RELT: variants seen among roughly 807,000 people sequenced by gnomAD.
RELT encodes the protein tumor necrosis factor receptor superfamily member 19L.
In RELT, 37 loss-of-function variants were observed where a neutral mutation model predicts 51.1. The ratio of observed to expected loss-of-function variants is 0.72; its 90% CI spans 0.56 to 0.95. The LOEUF is 0.95. Ranked by LOEUF, RELT falls within the 40% of genes least tolerant of loss-of-function variation. The probability of loss-of-function intolerance (pLI) is 0.00; values close to 1 mark genes in which losing one functional copy is unlikely to be tolerated. For synonymous variants in RELT, 241 were observed against 235.7 expected (o/e 1.02, Z -0.21); for missense variants, 535 against 572.6 (o/e 0.93, Z 0.67).
At chr11:73,381,869 G>A (rs1170392468) in intron 1 of RELT, among the ~76,000 whole-genome samples, 1 of 152,194 alleles carries the variant, frequency 6.6e-6, no homozygotes, top group African/African-American at 2.4e-5. Context: ...CAGGGTTTAC[G>A]TGGAGTTCCC....
rs769601283 is a variant in RELT, at chr11:73,394,676, CCCAAGGCCGGGG to C, written c.996_1007del (p.Ala334_Gly337del). ...CCTTCTGCCTAACCCGACCAGGGTT[CCCAAGGCCGGGG>C]CCAAGGCAGGGCGTCAGGGCGAGAT... On this transcript the variant is annotated inframe_deletion, in exon 9 of 11. Coordinates refer to ENST00000064780, the MANE Select transcript of RELT (RefSeq NM_152222.2). The surrounding 1 kb of genome is among the most constrained non-coding windows in gnomAD (Gnocchi z 4.9). The C allele has an allele frequency of 6.2e-7, 1 of 1,613,590 alleles. No individual in the cohort carries two copies.
intron 6 of RELT, chr11:73,393,210 G>A: frequency 1.0e-6 from 1 of 1,000,656 alleles, no homozygotes; most frequent in African/African-American, 1.7e-5. Flanking sequence ...GGAGCAGTAA[G>A]CCGGCAGGAG....
chr11:73,376,419 G>A lies in RELT; in HGVS notation c.-106G>A, dbSNP rs1416803414. ...CATTCAAAAGGCGCGCAGGCTGCGC[G>A]GCTGTCCGGGCGCTCGCCGAGCCGG... On this transcript the variant is annotated 5_prime_UTR_variant, in exon 1 of 11. Transcript: ENST00000064780. The A allele has an allele frequency of 1.3e-5, 2 of 151,916 alleles. No individual in the cohort carries two copies. The highest frequency in any genetic ancestry group is 2.9e-5 in the Non-Finnish European group (2 of 67,932). The allele number at this position is 151,916 out of a possible 1,614,324, so 9.4% of individuals were successfully genotyped here.
At chr11:73,386,852 C>G (rs1014244496) in intron 1 of RELT, among the ~76,000 whole-genome samples, 10 of 152,130 alleles carry the variant, frequency 6.6e-5, no homozygotes, top group African/African-American at 1.7e-4. Context: ...CTTTTCACCC[C>G]CGCATCAGCC....
rs960322372 is a variant in RELT at position 73,397,011 on chromosome 11, T to C, written c.*1520T>C. On this transcript the variant is annotated 3_prime_UTR_variant, in exon 11 of 11. Transcript: ENST00000064780. ...CAGTATAAAAAGTGTGAATGAGCTG[T>C]TTTTGCTTTTGCTTTGAAATCTGGA... 4 of 152,198 alleles carry C rather than the reference T, an allele frequency of 2.6e-5. No homozygotes were observed. Among genetic ancestry groups the C allele is most frequent in the Non-Finnish European group, 5.9e-5 (4 of 68,038 alleles). The allele number at this position is 152,198 out of a possible 1,614,324, so 9.4% of individuals were successfully genotyped here.
At chr11:73,382,773 A>G (rs1399285775) in intron 1 of RELT, among the ~76,000 whole-genome samples, 1 of 152,192 alleles carries the variant, frequency 6.6e-6, no homozygotes, top group Non-Finnish European at 1.5e-5. Flanking sequence ...GGGGACAGGC[A>G]GTAGTGCTCA....
At chr11:73,387,833 G>A (rs901961259) in intron 1 of RELT, among the ~76,000 whole-genome samples, 4 of 152,206 alleles carry the variant, frequency 2.6e-5, no homozygotes, top group Non-Finnish European at 5.9e-5. Context: ...TCACCTCACC[G>A]GCCTTGGAGT....
Position 73,388,917 on chromosome 11 carries a change from G to A in RELT, c.-25-195G>A, listed in dbSNP as rs1428960831. ...CCTGCCTGTGCTGCCCCGTGAGGCC[G>A]GCTCCCAGGCAGGGCAGCCCCCTCT... is the stretch of plus-strand genomic sequence containing the variant. On this transcript the variant is annotated intron_variant, in intron 1 of 10. Transcript: ENST00000064780. The surrounding 1 kb of genome is among the most constrained non-coding windows in gnomAD (Gnocchi z 4.1). 1.3e-5 allele frequency among the ~76,000 whole-genome samples: 2 copies of A among 152,200 alleles called. No individual in the cohort carries two copies. The highest frequency in any genetic ancestry group is 1.9e-4 in the East Asian group (1 of 5,180).
chr11:73,384,904 G>A (rs1051554376), intron 1 of RELT, among the ~76,000 whole-genome samples: 1 of 152,174 alleles, frequency 6.6e-6, no homozygotes, highest in Non-Finnish European at 1.5e-5. Flanking sequence ...AAGTGACTTC[G>A]AGCTGAGCTC....
chr11:73,378,874 A>G (rs1169786768), intron 1 of RELT, among the ~76,000 whole-genome samples: 1 of 152,234 alleles, frequency 6.6e-6, no homozygotes, highest in Admixed American at 6.5e-5. Flanking sequence ...GCCTAGGGGT[A>G]GCAGGGAAAA....
In RELT at chr11:73,395,937, T is replaced by C. The variant is rs1286851774; in HGVS notation, c.*446T>C. The C allele has an allele frequency of 5.5e-6, 1 of 183,056 alleles. No individual in the cohort carries two copies. The highest frequency in any genetic ancestry group is 1.2e-5 in the Non-Finnish European group (1 of 86,700). 11.3% of individuals were successfully genotyped at this position (183,056 alleles called of 1,614,324 possible). Reference sequence around the variant, plus strand: ...CGTCCCCCTCCTCTTCCAGCAGGTCTATAAAGGGAAGGGGTAGCAGAAAGT... The same window carrying C: ...CGTCCCCCTCCTCTTCCAGCAGGTCCATAAAGGGAAGGGGTAGCAGAAAGT... On this transcript the variant is annotated 3_prime_UTR_variant, in exon 11 of 11. Coordinates refer to ENST00000064780, the MANE Select transcript of RELT (RefSeq NM_152222.2).
intron 6 of RELT, chr11:73,393,019 C>A: frequency 5.0e-6 from 5 of 1,002,510 alleles, no homozygotes; most frequent in Non-Finnish European, 6.0e-6. Flanking sequence ...CACCACTACT[C>A]CCCTGCAGGG....
intron 7 of RELT, 41 bp downstream of exon 7, chr11:73,393,958 G>A (rs757514668): frequency 1.3e-6 from 2 of 1,584,136 alleles, no homozygotes; most frequent in Non-Finnish European, 1.7e-6. Flanking sequence ...CCCAGGAGAG[G>A]AGGGTTTCCT....
In RELT at chr11:73,394,616, C is replaced by A; in HGVS notation, c.928C>A (p.Pro310Thr). 9 of 1,613,472 alleles carry A rather than the reference C, an allele frequency of 5.6e-6. No individual in the cohort carries two copies. The highest frequency in any genetic ancestry group is 7.6e-6 in the Non-Finnish European group (9 of 1,180,026). ...GAAGTGGCCCGAGGTGCTGCTGTCCCCTGAGGCTGTAGCCGCCACTACTCC... is the reference window on the plus strand; with the variant it reads ...GAAGTGGCCCGAGGTGCTGCTGTCCACTGAGGCTGTAGCCGCCACTACTCC... Reference protein sequence around the residue: ...QKKWPEVLLSPEAVAATTPVP... With the variant: ...QKKWPEVLLSTEAVAATTPVP... Residue 310 changes from proline (P) to threonine (T), a missense_variant, in exon 9 of 11, where the codon CCT (proline) becomes ACT (threonine). Pro to Thr is a conservative substitution (Grantham distance 38). Coordinates refer to ENST00000064780, the MANE Select transcript of RELT (RefSeq NM_152222.2). The surrounding 1 kb of genome is among the most constrained non-coding windows in gnomAD (Gnocchi z 4.9).
At chr11:73,387,034 C>T (rs1252273440) in intron 1 of RELT, among the ~76,000 whole-genome samples, 1 of 152,012 alleles carries the variant, frequency 6.6e-6, no homozygotes, top group African/African-American at 2.4e-5. Flanking sequence ...CAACCTCCAC[C>T]TCCCAGGTTC....
rs1447947206 is a variant in RELT, at chr11:73,388,690, G to A, written c.-25-422G>A. On this transcript the variant is annotated intron_variant, in intron 1 of 10. Transcript: ENST00000064780. The surrounding 1 kb of genome is among the most constrained non-coding windows in gnomAD (Gnocchi z 4.1). ...TGTGAGGAGGAGGCGGGGGGAGCCT[G>A]AGCCTGGAGCGCTGGGCTGGAGTGT... Among the ~76,000 whole-genome samples the A allele has an allele frequency of 6.6e-6, 1 of 152,240 alleles. No individual in the cohort carries two copies. Among genetic ancestry groups the A allele is most frequent in the Non-Finnish European group, 1.5e-5 (1 of 68,036 alleles).
chr11:73,388,905 C>T lies in RELT; in HGVS notation c.-25-207C>T, dbSNP rs1194419356. On this transcript the variant is annotated intron_variant, in intron 1 of 10. Coordinates refer to ENST00000064780, the MANE Select transcript of RELT (RefSeq NM_152222.2). This position sits in a 1 kb window ranked among gnomAD's most constrained non-coding sequence, Gnocchi z 4.1. ...TCTTCCTGCCTTCCTGCCTGTGCTG[C>T]CCCGTGAGGCCGGCTCCCAGGCAGG... is the stretch of plus-strand genomic sequence containing the variant. 6.6e-6 allele frequency among the ~76,000 whole-genome samples: 1 copy of T among 152,236 alleles called. No homozygotes were observed. Among genetic ancestry groups the T allele is most frequent in the Non-Finnish European group, 1.5e-5 (1 of 68,036 alleles).
intron 1 of RELT, among the ~76,000 whole-genome samples, chr11:73,386,966 G>A (rs908591848): frequency 6.8e-6 from 1 of 146,956 alleles, no homozygotes; most frequent in African/African-American, 2.6e-5. Flanking sequence ...TTTTTTTTGA[G>A]ATGGAGTCTT....
At chr11:73,387,373 A>G (rs1181142338) in intron 1 of RELT, among the ~76,000 whole-genome samples, 2 of 152,164 alleles carry the variant, frequency 1.3e-5, no homozygotes, top group Non-Finnish European at 2.9e-5. Flanking sequence ...AGGAGGGGCC[A>G]TGGGGAGACA....
Sources: allele counts gnomAD v4.1 joint callset (sites outside exome capture counted in the v4.1 genomes callset), GRCh38; gene constraint gnomAD v4.1.1; non-coding constraint Gnocchi (gnomAD v3.1); transcripts MANE v1.5; gene names NCBI Gene and HGNC (gene_info 2026-07-23, HGNC 2026-07-21).